Variants in PICALM observed in about 807,000 individuals in gnomAD.
The protein encoded by PICALM is phosphatidylinositol binding clathrin assembly protein, also known as phosphatidylinositol-binding clathrin assembly protein.
Under a neutral mutation model 80.5 loss-of-function variants are expected in PICALM, and 40 were observed. That is an observed-to-expected ratio of 0.50 (90% CI 0.39 to 0.65). The LOEUF is 0.65. Ranked by LOEUF, PICALM falls within the 30% of genes least tolerant of loss-of-function variation. PICALM has a pLI of 0.00. For synonymous variants in PICALM, 288 were observed against 260.3 expected, an observed-to-expected ratio of 1.11 and a Z score of -1.02; for missense variants, 676 against 778.9, an observed-to-expected ratio of 0.87 and a Z score of 1.57.
chr11:86,000,319 C>T (rs1196954347), intron 11 of PICALM, among the ~76,000 whole-genome samples: 1 of 152,050 alleles, frequency 6.6e-6, no homozygotes, highest in Non-Finnish European at 1.5e-5. Flanking sequence ...TGTCAAAGAG[C>T]TATAAAGGGT....
At chr11:86,063,191 T>C (rs372403408) in intron 1 of PICALM, among the ~76,000 whole-genome samples, 1 of 152,234 alleles carries the variant, frequency 6.6e-6, no homozygotes, top group East Asian at 1.9e-4. Context: ...AGATTATTTT[T>C]AAACAATCAG....
chr11:86,017,347 T>C (rs2136394779), intron 4 of PICALM, among the ~76,000 whole-genome samples: 1 of 152,310 alleles, frequency 6.6e-6, no homozygotes, highest in Non-Finnish European at 1.5e-5. Context: ...CATAATCATT[T>C]TAGCTCACTG....
At chr11:85,982,438 T>TTTTTTTTTTTTTTTA (rs1565278982) in intron 14 of PICALM, among the ~76,000 whole-genome samples, 2 of 135,776 alleles carry the variant, frequency 1.5e-5, no homozygotes, top group Non-Finnish European at 1.6e-5. Flanking sequence ...TTTTTTTTTT[T>TTTTTTTTTTTTTTTA]GAGACGGAGT....
intron 1 of PICALM, among the ~76,000 whole-genome samples, chr11:86,057,416 G>C (rs2096286079): frequency 6.6e-6 from 1 of 152,086 alleles, no homozygotes; most frequent in Non-Finnish European, 1.5e-5. Context: ...GCTCGCGCCT[G>C]TAATCCCAGC....
chr11:86,061,302 GC>G (rs2096358972), intron 1 of PICALM, among the ~76,000 whole-genome samples: 1 of 127,092 alleles, frequency 7.9e-6, no homozygotes. Context: ...TTGCACTCCA[GC>G]CCGGGAGACA....
Position 86,000,601 on chromosome 11 carries a change from T to C in PICALM, c.1154+42A>G. The C allele has an allele frequency of 1.9e-6, 3 of 1,548,284 alleles. No individual in the cohort carries two copies. The Admixed American group carries it at 5.8e-5, about 30-fold the overall frequency. On this transcript the variant is annotated intron_variant, in intron 11 of 19. Transcript: ENST00000393346. Reference sequence around the variant, plus strand: ...CTGCAAAATTTCTATTAGAAGTCTTTGAACCTACATATTCAAAGGTAACCT... The same window carrying C: ...CTGCAAAATTTCTATTAGAAGTCTTCGAACCTACATATTCAAAGGTAACCT...
chr11:86,003,345 G>A, intron 9 of PICALM, 21 bp downstream of exon 9: 1 of 1,447,446 alleles, frequency 6.9e-7, no homozygotes, highest in Non-Finnish European at 9.6e-7. Context: ...CTGGCTTTTT[G>A]GCCTACAAAG....
At chr11:86,053,045 A>T (rs963139531) in intron 1 of PICALM, among the ~76,000 whole-genome samples, 2 of 152,148 alleles carry the variant, frequency 1.3e-5, no homozygotes, top group Non-Finnish European at 2.9e-5. Context: ...TTTTAACATC[A>T]TTTGATCTGT....
At chr11:85,989,286 C>G (rs17817153) in intron 13 of PICALM, among the ~76,000 whole-genome samples, 19,694 of 152,110 alleles carry the variant, frequency 0.13, 1,460 homozygotes, top group East Asian at 0.36. Flanking sequence ...TTTACAACAC[C>G]TGACTTGGAA....
intron 1 of PICALM, among the ~76,000 whole-genome samples, chr11:86,067,902 C>A (rs548935753): frequency 1.3e-5 from 2 of 151,724 alleles, no homozygotes; most frequent in South Asian, 4.2e-4. Context: ...CCACCAGAGG[C>A]AAATAAAAAT....
chr11:86,007,469 T>C (rs898002761), intron 8 of PICALM, 73 bp downstream of exon 8: 7 of 849,368 alleles, frequency 8.2e-6, no homozygotes, highest in Non-Finnish European at 1.4e-5. Flanking sequence ...GGGGGCTATA[T>C]GTTACTTATC....
intron 1 of PICALM, among the ~76,000 whole-genome samples, chr11:86,050,405 A>C (rs2096165682): frequency 6.6e-6 from 1 of 152,160 alleles, no homozygotes; most frequent in Non-Finnish European, 1.5e-5. Flanking sequence ...TATAAGCCAA[A>C]AATGTGCAAG....
At chr11:85,977,750 A>T (rs1268053293) in intron 17 of PICALM, among the ~76,000 whole-genome samples, 3 of 152,236 alleles carry the variant, frequency 2.0e-5, no homozygotes, top group Non-Finnish European at 4.4e-5. Context: ...GTTATTTTAA[A>T]CATTACCACA....
chr11:85,990,917 T>C (rs2094751548), intron 12 of PICALM, among the ~76,000 whole-genome samples: 1 of 152,100 alleles, frequency 6.6e-6, no homozygotes, highest in East Asian at 1.9e-4. Context: ...GAAAAAAATC[T>C]AAGGATGGGG....
At chr11:86,066,633 A>G (rs1203041804) in intron 1 of PICALM, among the ~76,000 whole-genome samples, 1 of 152,184 alleles carries the variant, frequency 6.6e-6, no homozygotes, top group African/African-American at 2.4e-5. Context: ...CATTTGAAAT[A>G]AGACACAAAC....
At position 86,003,351 on chromosome 11, in the gene PICALM, C is replaced by T. The variant is rs779789501; in HGVS notation, c.893+15G>A. ...AAAATCACTCTGGCTTTTTGGCCTA[C>T]AAAGAATGATATACCTGCTTGCAGC... On this transcript the variant is annotated intron_variant, in intron 9 of 19. Transcript: ENST00000393346. 3 of 1,523,848 alleles carry T rather than the reference C, an allele frequency of 2.0e-6. No individual in the cohort carries two copies. The highest frequency in any genetic ancestry group is 2.4e-5 in the South Asian group (2 of 83,688). 94.4% of individuals were successfully genotyped at this position (1,523,848 alleles called of 1,614,324 possible).
rs527390423 is a variant in PICALM at position 85,996,936 on chromosome 11, A to T, written c.1155-7T>A. The T allele has an allele frequency of 7.0e-4, 1,127 of 1,598,602 alleles. 17 individuals are homozygous for T. In the Admixed American group the frequency reaches 0.019, roughly 26 times the overall value. On this transcript the variant is annotated splice_region_variant and splice_polypyrimidine_tract_variant and intron_variant, in intron 11 of 19. Transcript: ENST00000393346. Reference sequence around the variant, plus strand: ...ATTGGGCAGCTTTGATGTGCTAGAAAGATATTTTGGAAACGTGTTTTATTT... The same window carrying T: ...ATTGGGCAGCTTTGATGTGCTAGAATGATATTTTGGAAACGTGTTTTATTT...
At chr11:86,055,823 C>T (rs1356160573) in intron 1 of PICALM, among the ~76,000 whole-genome samples, 2 of 151,954 alleles carry the variant, frequency 1.3e-5, no homozygotes, top group African/African-American at 4.8e-5. Flanking sequence ...TTAGATATAT[C>T]GAAAGCACAA....
intron 4 of PICALM, among the ~76,000 whole-genome samples, chr11:86,020,141 G>A (rs1270129471): frequency 6.6e-6 from 1 of 151,966 alleles, no homozygotes; most frequent in Non-Finnish European, 1.5e-5. Context: ...GTTATTTAGG[G>A]TGCAGCAAAA....
Sources: allele counts gnomAD v4.1 joint callset (sites outside exome capture counted in the v4.1 genomes callset), GRCh38; gene constraint gnomAD v4.1.1; transcripts MANE v1.5; gene names NCBI Gene and HGNC (gene_info 2026-07-23, HGNC 2026-07-21).